Variants in PPP1R14C observed in about 807,000 individuals in gnomAD.
PPP1R14C encodes protein phosphatase 1 regulatory inhibitor subunit 14C, also known as protein phosphatase 1 regulatory subunit 14C.
PPP1R14C carries 16 observed loss-of-function variants against 20.4 expected under a neutral mutation model. That is an observed-to-expected ratio of 0.78 (90% CI 0.53 to 1.19). The LOEUF (loss-of-function observed/expected upper bound fraction) is 1.19, where lower values mean the gene tolerates loss of function less well. Among genes scored for constraint, PPP1R14C ranks in the 50% most tolerant of loss-of-function variants. The probability of loss-of-function intolerance (pLI) is 0.00; values close to 1 mark genes in which losing one functional copy is unlikely to be tolerated. For synonymous variants in PPP1R14C, 91 were observed against 91.0 expected, an observed-to-expected ratio of 1.00 and a Z score of 0.00; for missense variants, 211 against 220.1, an observed-to-expected ratio of 0.96 and a Z score of 0.26.
At chr6:150,159,632 TA>T (rs1777343253) in intron 1 of PPP1R14C, among the ~76,000 whole-genome samples, 2 of 134,570 alleles carry the variant, frequency 1.5e-5, no homozygotes, top group Non-Finnish European at 1.6e-5. Flanking sequence ...TTTTTTTTTT[TA>T]AACAAATAAG....
intron 1 of PPP1R14C, among the ~76,000 whole-genome samples, chr6:150,162,902 T>C (rs1777385972): frequency 6.6e-6 from 1 of 152,178 alleles, no homozygotes; most frequent in South Asian, 2.1e-4. Context: ...AAGGGCTTCT[T>C]TGAGGAAGTT....
intron 1 of PPP1R14C, among the ~76,000 whole-genome samples, chr6:150,166,607 C>T (rs1191590403): frequency 6.6e-6 from 1 of 152,208 alleles, no homozygotes; most frequent in East Asian, 1.9e-4. Context: ...CTGCCTCCGC[C>T]AGCACTTATT....
chr6:150,226,638 C>T (rs571056741), intron 3 of PPP1R14C, among the ~76,000 whole-genome samples: 2 of 152,086 alleles, frequency 1.3e-5, no homozygotes, highest in Non-Finnish European at 2.9e-5. Context: ...AAAAAAATCT[C>T]TTTTTATAGC....
At chr6:150,189,275 C>G (rs1057176137) in intron 1 of PPP1R14C, among the ~76,000 whole-genome samples, 3 of 152,192 alleles carry the variant, frequency 2.0e-5, no homozygotes, top group Non-Finnish European at 4.4e-5. Context: ...CCCTTCTCCT[C>G]GAAAGCACCA....
rs1276226501 is a variant in PPP1R14C at position 150,143,635 on chromosome 6, C to CGCCTTCTCTCCCCCGCGGT, written c.306+141_306+159dup. 1.1e-4 allele frequency: 72 copies of CGCCTTCTCTCCCCCGCGGT among 656,262 alleles called. No individual in the cohort carries two copies. The East Asian group carries it at 1.3e-3, about 12-fold the overall frequency. The allele number at this position is 656,262 out of a possible 1,614,324, so 40.7% of individuals were successfully genotyped here. ...ACCAAGTGCCAGGAGCGAGGCGCGG[C>CGCCTTCTCTCCCCCGCGGT]GCCTTCTCTCCCCCGCGGTGCCCTC... On this transcript the variant is annotated intron_variant, in intron 1 of 3. Coordinates refer to ENST00000361131, the MANE Select transcript of PPP1R14C (RefSeq NM_030949.3). This position sits in a 1 kb window ranked among gnomAD's most constrained non-coding sequence, Gnocchi z 5.6.
intron 1 of PPP1R14C, among the ~76,000 whole-genome samples, chr6:150,191,304 A>G (rs750368994): frequency 3.9e-5 from 6 of 152,208 alleles, no homozygotes; most frequent in African/African-American, 2.4e-5. Context: ...TATTTTGCAC[A>G]TCTAAAAGCT....
At chr6:150,220,066 G>A (rs544100511) in intron 3 of PPP1R14C, among the ~76,000 whole-genome samples, 1 of 152,264 alleles carries the variant, frequency 6.6e-6, no homozygotes, top group Non-Finnish European at 1.5e-5. Context: ...TGTTGGCCAG[G>A]CTGGTCTGAA....
intron 1 of PPP1R14C, among the ~76,000 whole-genome samples, chr6:150,145,758 T>G (rs1385320125): frequency 6.6e-6 from 1 of 152,252 alleles, no homozygotes; most frequent in Non-Finnish European, 1.5e-5. Flanking sequence ...AAAGTGGTAA[T>G]TCTTTCAAAT....
At chr6:150,158,758 G>A (rs554393371) in intron 1 of PPP1R14C, among the ~76,000 whole-genome samples, 2 of 152,206 alleles carry the variant, frequency 1.3e-5, no homozygotes, top group Non-Finnish European at 2.9e-5. Context: ...GTAAGAAAGG[G>A]GCACAAGCCC....
At position 150,176,116 on chromosome 6, in the gene PPP1R14C, G is replaced by C. The variant is rs111781490; in HGVS notation, c.306+32618G>C. On this transcript the variant is annotated intron_variant, in intron 1 of 3. Coordinates refer to ENST00000361131, the MANE Select transcript of PPP1R14C (RefSeq NM_030949.3). ...ATTAATTACCTGTCTGTTGGAGAGA[G>C]AGTGTTCTTATAATTGGGGTGAACA... Among the ~76,000 whole-genome samples the C allele has an allele frequency of 1.7e-3, 252 of 152,350 alleles. 1 individual carries two copies. Among genetic ancestry groups the C allele is most frequent in the South Asian group, 3.3e-3 (16 of 4,824 alleles).
At chr6:150,194,038 G>C (rs907660227) in intron 1 of PPP1R14C, among the ~76,000 whole-genome samples, 5 of 152,078 alleles carry the variant, frequency 3.3e-5, no homozygotes, top group Admixed American at 1.3e-4. Flanking sequence ...GAGATCTGCT[G>C]GTTTTGTAAA....
intron 1 of PPP1R14C, among the ~76,000 whole-genome samples, chr6:150,187,545 T>C (rs192410359): frequency 6.6e-6 from 1 of 152,116 alleles, no homozygotes; most frequent in Non-Finnish European, 1.5e-5. Context: ...GAATGTGTGG[T>C]ATTTGGTTTT....
chr6:150,167,783 C>T (rs561318758), intron 1 of PPP1R14C, among the ~76,000 whole-genome samples: 1 of 152,098 alleles, frequency 6.6e-6, no homozygotes, highest in Non-Finnish European at 1.5e-5. Context: ...TGACCTGAGC[C>T]ATTCAGACCC....
At chr6:150,245,964 A>C (rs889088044) in intron 3 of PPP1R14C, among the ~76,000 whole-genome samples, 7 of 152,216 alleles carry the variant, frequency 4.6e-5, no homozygotes, top group Admixed American at 4.6e-4. Context: ...TAGATGTATA[A>C]ATTATGTTAA....
chr6:150,154,699 G>C (rs1777287442), intron 1 of PPP1R14C, among the ~76,000 whole-genome samples: 2 of 152,226 alleles, frequency 1.3e-5, no homozygotes, highest in African/African-American at 4.8e-5. Flanking sequence ...TCCTGTAGCT[G>C]AAGTGGGAGC....
intron 3 of PPP1R14C, among the ~76,000 whole-genome samples, chr6:150,236,903 G>A (rs1444694009): frequency 2.0e-5 from 3 of 152,204 alleles, no homozygotes; most frequent in Admixed American, 6.5e-5. Flanking sequence ...CAGGCAGGAC[G>A]GAGAGCCTGC....
At chr6:150,189,478 C>T (rs977250703) in intron 1 of PPP1R14C, among the ~76,000 whole-genome samples, 6 of 152,048 alleles carry the variant, frequency 3.9e-5, no homozygotes, top group Admixed American at 6.5e-5. Context: ...TGGATTTGAG[C>T]GAGAGTCTAG....
chr6:150,221,745 C>CAAT (rs1400465171), intron 3 of PPP1R14C, among the ~76,000 whole-genome samples: 3 of 152,098 alleles, frequency 2.0e-5, no homozygotes, highest in African/African-American at 7.2e-5. Flanking sequence ...TAATAATAAC[C>CAAT]ATGTCTCTGC....
intron 3 of PPP1R14C, among the ~76,000 whole-genome samples, chr6:150,222,302 G>A (rs191516010): frequency 6.6e-6 from 1 of 152,200 alleles, no homozygotes; most frequent in East Asian, 1.9e-4. Context: ...ATTTAGAGCA[G>A]TTTTAGGTTC....
Sources: allele counts gnomAD v4.1 joint callset (sites outside exome capture counted in the v4.1 genomes callset), GRCh38; gene constraint gnomAD v4.1.1; non-coding constraint Gnocchi (gnomAD v3.1); transcripts MANE v1.5; gene names NCBI Gene and HGNC (gene_info 2026-07-23, HGNC 2026-07-21).